The following WDR20 variants were observed in gnomAD, a reference collection of about 807,000 sequenced individuals.
WDR20 encodes WD repeat domain 20.
Under a neutral mutation model 38.7 loss-of-function variants are expected in WDR20, and 3 were observed. The ratio of observed to expected loss-of-function variants is 0.08; its 90% confidence interval spans 0.04 to 0.20. The LOEUF (loss-of-function observed/expected upper bound fraction) is 0.20. WDR20 is among the 10% of genes least tolerant of loss of function. The pLI, the probability that WDR20 is intolerant of heterozygous loss-of-function variation, is 1.00. For synonymous variants in WDR20, 298 were observed against 285.6 expected, an observed-to-expected ratio of 1.04 and a Z score of -0.44; for missense variants, 559 against 727.7, an observed-to-expected ratio of 0.77 and a Z score of 2.67.
chr14:102,184,715 T>C lies in WDR20; in HGVS notation c.250-10223T>C, dbSNP rs1200196766. 2.0e-5 allele frequency among the ~76,000 whole-genome samples: 3 copies of C among 152,176 alleles called. No individual in the cohort carries two copies. In the East Asian group the frequency reaches 5.8e-4, roughly 29 times the overall value. On this transcript the variant is annotated intron_variant, in intron 1 of 2. Coordinates refer to ENST00000342702, the MANE Select transcript of WDR20 (RefSeq NM_144574.4). ...TTTGTGACTGTGTGTCTCTTCTCATTTTGGGATGACATGAAGGTGATGTTC... is the reference window on the plus strand; with the variant it reads ...TTTGTGACTGTGTGTCTCTTCTCATCTTGGGATGACATGAAGGTGATGTTC...
intron 1 of WDR20, among the ~76,000 whole-genome samples, chr14:102,154,579 G>A (rs2056923500): frequency 1.3e-5 from 2 of 152,156 alleles, no homozygotes; most frequent in Admixed American, 1.3e-4. Context: ...GTTTACTTAT[G>A]TATGCATTTG....
At chr14:102,204,086 C>T (rs1476459474) in intron 2 of WDR20, among the ~76,000 whole-genome samples, 7 of 152,148 alleles carry the variant, frequency 4.6e-5, no homozygotes, top group Admixed American at 2.6e-4. Context: ...TTCCTTAGAA[C>T]GCTTGGGAGT....
At chr14:102,173,787 G>A (rs1350328170) in intron 1 of WDR20, among the ~76,000 whole-genome samples, 4 of 152,070 alleles carry the variant, frequency 2.6e-5, no homozygotes, top group Non-Finnish European at 5.9e-5. Context: ...ATTCACGCCT[G>A]TAATCCCAGC....
At chr14:102,193,362 T>C (rs1342741830) in intron 1 of WDR20, 3 of 1,286,756 alleles carry the variant, frequency 2.3e-6, no homozygotes, top group South Asian at 1.3e-5. Context: ...TGGCCGCTTT[T>C]CTCCTCGCTC....
chr14:102,145,124 G>A (rs1300842959), intron 1 of WDR20, among the ~76,000 whole-genome samples: 1 of 152,182 alleles, frequency 6.6e-6, no homozygotes, highest in Non-Finnish European at 1.5e-5. Context: ...TCTTCTCAAT[G>A]CACAGTGCAG....
intron 1 of WDR20, among the ~76,000 whole-genome samples, chr14:102,151,947 G>A (rs2056039430): frequency 6.6e-6 from 1 of 151,754 alleles, no homozygotes. Context: ...ACACAGGGTC[G>A]GTCTCGCTCT....
At chr14:102,213,321 G>GT, downstream of WDR20, 1 of 985,330 alleles carries the variant, frequency 1.0e-6, no homozygotes, top group East Asian at 1.1e-4. Flanking sequence ...ATGTGCAGGA[G>GT]TAGACACTTT....
chr14:102,195,831 G>A (rs2059321924), intron 2 of WDR20: 1 of 152,202 alleles, frequency 6.6e-6, no homozygotes, highest in African/African-American at 2.4e-5. Context: ...TCAGCCTCAA[G>A]TATTGCTATT....
At chr14:102,166,679 T>A (rs1486727382) in intron 1 of WDR20, among the ~76,000 whole-genome samples, 1 of 152,206 alleles carries the variant, frequency 6.6e-6, no homozygotes, top group Non-Finnish European at 1.5e-5. Flanking sequence ...TCTATTTGTT[T>A]TTGCCCTAAT....
chr14:102,222,442 T>C lies in WDR20; in HGVS notation c.1693-388T>C, dbSNP rs1464432682. ...AGGGACTGGGTGTGCGGTCCAGAAC[T>C]GCGGTGCCCTGGGCTCAACCCTGGC... On this transcript the variant is annotated intron_variant, in intron 3 of 3. Transcript: ENST00000335263. The surrounding 1 kb of genome is among the most constrained non-coding windows in gnomAD (Gnocchi z 4.4). Among the ~76,000 whole-genome samples, 1 of 152,218 alleles carries C rather than the reference T, an allele frequency of 6.6e-6. No individual in the cohort carries two copies. The highest frequency in any genetic ancestry group is 2.4e-5 in the African/African-American group (1 of 41,464).
At chr14:102,143,909 G>A (rs2052514001) in intron 1 of WDR20, among the ~76,000 whole-genome samples, 1 of 151,794 alleles carries the variant, frequency 6.6e-6, no homozygotes, top group Admixed American at 6.6e-5. Context: ...GGGTGCAGTG[G>A]CTCATACCTG....
At chr14:102,212,824 A>G, downstream of WDR20, 1 of 1,342,422 alleles carries the variant, frequency 7.4e-7, no homozygotes. Flanking sequence ...GAAATTTTTC[A>G]GTCTTTCAGC....
rs1009595444 is a variant in WDR20, at chr14:102,207,454, CCT to C, written c.433-1148_433-1147del. 1.4e-4 allele frequency among the ~76,000 whole-genome samples: 21 copies of C among 152,352 alleles called. No homozygotes were observed. The highest frequency in any genetic ancestry group is 1.2e-3 in the Admixed American group (18 of 15,306). On this transcript the variant is annotated intron_variant, in intron 2 of 2. Coordinates refer to ENST00000342702, the MANE Select transcript of WDR20 (RefSeq NM_144574.4). The surrounding 1 kb of genome is among the most constrained non-coding windows in gnomAD (Gnocchi z 5.0). ...GGCATGTTTCTTGGCAGATTCTGCC[CCT>C]GTGTGCCCAGTACCCCTCTGAGACT...
At chr14:102,194,331 C>G (rs147175331) in intron 1 of WDR20, among the ~76,000 whole-genome samples, 112 of 152,316 alleles carry the variant, frequency 7.4e-4, no homozygotes, top group Non-Finnish European at 1.2e-3. Flanking sequence ...AGAGTGGGCT[C>G]CAGCAGTGGT....
At chr14:102,213,408 G>A (rs1222702581), downstream of WDR20, 1 of 985,298 alleles carries the variant, frequency 1.0e-6, no homozygotes, top group African/African-American at 1.7e-5. Context: ...TGTGCTGATT[G>A]AACCTTCTAG....
chr14:102,203,517 C>T (rs1313696867), intron 2 of WDR20, among the ~76,000 whole-genome samples: 1 of 152,148 alleles, frequency 6.6e-6, no homozygotes. Flanking sequence ...CAGCCACAGC[C>T]TGAGTCCCAG....
downstream of WDR20, chr14:102,215,045 T>C: frequency 4.2e-6 from 4 of 959,036 alleles, no homozygotes; most frequent in Non-Finnish European, 5.0e-6. Flanking sequence ...ATCTAAGCTT[T>C]AAAAATCCCA....
upstream of WDR20, chr14:102,139,572 G>A (rs1417927840): frequency 2.7e-6 from 2 of 750,992 alleles, no homozygotes; most frequent in Non-Finnish European, 2.1e-6. Context: ...CCCCGCCGCG[G>A]TTCCCCCTGA....
intron 1 of WDR20, among the ~76,000 whole-genome samples, chr14:102,187,412 G>T (rs907011660): frequency 2.6e-5 from 4 of 152,182 alleles, no homozygotes; most frequent in East Asian, 3.9e-4. Flanking sequence ...CATAGGCTGG[G>T]GGGGGGCTCA....
Sources: allele counts gnomAD v4.1 joint callset (sites outside exome capture counted in the v4.1 genomes callset), GRCh38; gene constraint gnomAD v4.1.1; non-coding constraint Gnocchi (gnomAD v3.1); transcripts MANE v1.5; gene names NCBI Gene and HGNC (gene_info 2026-07-23, HGNC 2026-07-21).